The following RPL3L variants were observed in gnomAD, a reference collection of about 807,000 sequenced individuals.
RPL3L encodes ribosomal protein L3 like, also known as ribosomal protein uL3-like.
RPL3L carries 44 observed loss-of-function variants against 44.5 expected under a neutral mutation model. That is an observed-to-expected ratio of 0.99 (90% CI 0.78 to 1.27). RPL3L has a LOEUF of 1.27. Ranked by LOEUF, RPL3L falls within the 50% of genes most tolerant of loss-of-function variation. RPL3L has a pLI of 0.00. For missense variants in RPL3L, 631 were observed against 569.1 expected (o/e 1.11, Z -1.11); for synonymous variants, 292 against 230.7 (o/e 1.27, Z -2.41).
intron 3 of RPL3L, among the ~76,000 whole-genome samples, chr16:1,951,753 T>TATA (rs1555481504): frequency 6.8e-6 from 1 of 147,798 alleles, no homozygotes; most frequent in African/African-American, 2.5e-5. Context: ...TTATTATTAT[T>TATA]ATTATTATTA....
rs750814211 is a variant in RPL3L at position 1,953,026 on chromosome 16, C to G, written c.213G>C (p.Glu71Asp). The change falls in exon 3 of 10, where the codon GAG becomes GAC. Residue 71 changes from glutamate (E) to aspartate (D), a missense_variant. By Grantham distance (45) the Glu-to-Asp change is conservative (BLOSUM62 2). Transcript: ENST00000268661. The part of the protein sequence containing the change: ...HRPGLKISKR[E>D]EVEAVTIVET... ...CTACAATTGTCACCGCCTCCACCTC[C>G]TCCCGTTTGGAAATTTCTGGATGAG... is the stretch of plus-strand genomic sequence containing the variant. 6.3e-7 allele frequency: 1 copy of G among 1,599,472 alleles called. No individual in the cohort carries two copies. The highest frequency in any genetic ancestry group is 2.2e-5 in the East Asian group (1 of 44,742).
At chr16:1,954,578 C>T in intron 1 of RPL3L, 51 bp downstream of exon 1, 1 of 1,527,692 alleles carries the variant, frequency 6.5e-7, no homozygotes, top group Non-Finnish European at 8.8e-7. Flanking sequence ...GTCCCACCCC[C>T]CCAGAGTTCC....
Position 1,946,922 on chromosome 16 carries a change from C to A in RPL3L, c.849+16G>T. On this transcript the variant is annotated intron_variant, in intron 6 of 9. Coordinates refer to ENST00000268661, the MANE Select transcript of RPL3L (RefSeq NM_005061.3). The stretch of plus-strand genomic sequence containing the variant: ...TCCGACCACACAGTGTCCCCGTACC[C>A]CGGCTGAGGACGCACCTTCTTGTTG... 6.3e-7 allele frequency: 1 copy of A among 1,591,272 alleles called. No individual in the cohort carries two copies. The highest frequency in any genetic ancestry group is 1.3e-5 in the African/African-American group (1 of 74,452).
intron 3 of RPL3L, among the ~76,000 whole-genome samples, chr16:1,952,321 T>A (rs1349442605): frequency 6.6e-6 from 1 of 151,834 alleles, no homozygotes; most frequent in Non-Finnish European, 1.5e-5. Context: ...TGTTTCCTCT[T>A]TTTCCTCCAT....
At position 1,953,046 on chromosome 16, in the gene RPL3L, G is replaced by C; in HGVS notation, c.197-4C>G. On this transcript the variant is annotated splice_region_variant and splice_polypyrimidine_tract_variant and intron_variant, in intron 2 of 9. Transcript: ENST00000268661. ...ACCTCCTCCCGTTTGGAAATTTCTGGATGAGACACAGGGATGGGGCATGAA... is the reference window on the plus strand; with the variant it reads ...ACCTCCTCCCGTTTGGAAATTTCTGCATGAGACACAGGGATGGGGCATGAA... 1 of 1,589,308 alleles carries C rather than the reference G, an allele frequency of 6.3e-7. No homozygotes were observed. Among genetic ancestry groups the C allele is most frequent in the Non-Finnish European group, 8.6e-7 (1 of 1,167,698 alleles).
At chr16:1,946,889 G>T in intron 6 of RPL3L, 49 bp downstream of exon 6, 3 of 1,569,838 alleles carry the variant, frequency 1.9e-6, no homozygotes, top group Non-Finnish European at 2.6e-6. Context: ...CAGTACTGAG[G>T]GCTGGGGTCC....
Position 1,954,077 on chromosome 16 carries a change from G to C in RPL3L, c.75C>G (p.His25Gln), listed in dbSNP as rs371136983. Reference sequence around the variant, plus strand: ...GCGGCCACGTCTTCACCTTGCCCCGGTGCCGGTGGCTCCTCTTATGGGGCA... The same window carrying C: ...GCGGCCACGTCTTCACCTTGCCCCGCTGCCGGTGGCTCCTCTTATGGGGCA... ...GFLPHKRSHR[H>Q]RGKVKTWPRD... The change falls in exon 2 of 10, where the codon CAC (histidine) becomes CAG (glutamine). Residue 25 changes from histidine to glutamine, a missense_variant. Transcript: ENST00000268661. 1 of 1,604,796 alleles carries C rather than the reference G, an allele frequency of 6.2e-7. No individual in the cohort carries two copies. Among genetic ancestry groups the C allele is most frequent in the Non-Finnish European group, 8.5e-7 (1 of 1,176,648 alleles).
chr16:1,945,041 C>G, intron 9 of RPL3L, 148 bp from the exon 10 acceptor site: 1 of 1,026,462 alleles, frequency 9.7e-7, no homozygotes, highest in Non-Finnish European at 1.5e-6. Context: ...AGAATCAGTG[C>G]CCAGGGATAG....
At chr16:1,950,707 G>A (rs760853831) in intron 4 of RPL3L, 137 bp downstream of exon 4, 55 of 1,387,942 alleles carry the variant, frequency 4.0e-5, no homozygotes, top group South Asian at 8.7e-5. Flanking sequence ...CGTGGCCAGC[G>A]AGGCTGGTCA....
At chr16:1,951,601 C>G (rs903140233) in intron 3 of RPL3L, among the ~76,000 whole-genome samples, 1 of 151,894 alleles carries the variant, frequency 6.6e-6, no homozygotes, top group African/African-American at 2.4e-5. Context: ...AGGCTGGTCT[C>G]GAAGCCCTGA....
rs1445546058 is a variant in RPL3L, at chr16:1,944,812, T to G, written c.*25A>C. On this transcript the variant is annotated 3_prime_UTR_variant, in exon 10 of 10. Coordinates refer to ENST00000268661, the MANE Select transcript of RPL3L (RefSeq NM_005061.3). ...ATTGGGGCAGACAGTGCGGTGCGCT[T>G]CAGGGTTCATCCACCCCACACAGCC... 1.2e-6 allele frequency: 2 copies of G among 1,613,762 alleles called. No individual in the cohort carries two copies. Among genetic ancestry groups the G allele is most frequent in the Non-Finnish European group, 1.7e-6 (2 of 1,179,892 alleles).
Position 1,947,166 on chromosome 16 carries a change from T to C in RPL3L, c.688+28A>G, listed in dbSNP as rs1353364216. The C allele has an allele frequency of 8.1e-6, 13 of 1,612,966 alleles. No homozygotes were observed. In the East Asian group the frequency reaches 2.7e-4, roughly 33 times the overall value. ...CCCACTGCCTCCAGGCAGCCTGCCC[T>C]GGAGCTGCCATCCTCACTGAGCCCT... On this transcript the variant is annotated intron_variant, in intron 5 of 9. Coordinates refer to ENST00000268661, the MANE Select transcript of RPL3L (RefSeq NM_005061.3).
At position 1,945,508 on chromosome 16, in the gene RPL3L, C is replaced by T. The variant is rs2083114162; in HGVS notation, c.1158G>A (p.Arg386=). 2 of 1,612,198 alleles carry T rather than the reference C, an allele frequency of 1.2e-6. No individual in the cohort carries two copies. Among genetic ancestry groups the T allele is most frequent in the Non-Finnish European group, 1.7e-6 (2 of 1,179,314 alleles). Residue 386 remains arginine (R), a synonymous_variant, in exon 9 of 10, where the codon AGG becomes AGA. Coordinates refer to ENST00000268661, the MANE Select transcript of RPL3L (RefSeq NM_005061.3). ...HGRFQTAQEK[R]AFMGPQKKHL... is the part of the protein sequence containing the mutation. ...GGGGCGGTGAGCTCACCATGAAGGC[C>T]CTCTTCTCTTGGGCTGTCTGGAAGC...
Position 1,953,040 on chromosome 16 carries a change from T to C in RPL3L, c.199A>G (p.Ile67Val). The change falls in exon 3 of 10, where the codon ATT becomes GTT. Residue 67 changes from isoleucine to valine, a missense_variant and splice_region_variant. Ile to Val is a conservative substitution (Grantham distance 29). Transcript: ENST00000268661. ...LREVHRPGLKISKREEVEAVT... is the reference protein window; with the variant it reads ...LREVHRPGLKVSKREEVEAVT... Reference sequence around the variant, plus strand: ...GCCTCCACCTCCTCCCGTTTGGAAATTTCTGGATGAGACACAGGGATGGGG... The same window carrying C: ...GCCTCCACCTCCTCCCGTTTGGAAACTTCTGGATGAGACACAGGGATGGGG... The C allele has an allele frequency of 1.9e-6, 3 of 1,592,516 alleles. No homozygotes were observed. The highest frequency in any genetic ancestry group is 2.6e-6 in the Non-Finnish European group (3 of 1,169,330).
chr16:1,952,674 C>T (rs2083178216), intron 3 of RPL3L, among the ~76,000 whole-genome samples, 200 bp downstream of exon 3: 2 of 152,196 alleles, frequency 1.3e-5, no homozygotes, highest in South Asian at 2.1e-4. Context: ...GCACGCCCAG[C>T]CTACTCATCT....
rs757685943 is a variant in RPL3L, at chr16:1,952,941, G to A, written c.298C>T (p.Arg100Trp). ...VGYVATPRGL[R>W]SFKTIFAEHL... Reference sequence around the variant, plus strand: ...TCTGCAAAGATGGTCTTGAAGCTCCGGAGACCTCGAGGGGTGGCCACGTAG... The same window carrying A: ...TCTGCAAAGATGGTCTTGAAGCTCCAGAGACCTCGAGGGGTGGCCACGTAG... Residue 100 changes from arginine (R) to tryptophan (W), a missense_variant, in exon 3 of 10, where the codon CGG (arginine) becomes TGG (tryptophan). Arg to Trp is a moderately radical substitution (Grantham distance 101). Transcript: ENST00000268661. 3.8e-5 allele frequency: 62 copies of A among 1,613,830 alleles called. No individual in the cohort carries two copies. The highest frequency in any genetic ancestry group is 3.3e-4 in the Middle Eastern group (2 of 6,082).
rs374470658 is a variant in RPL3L at position 1,946,720 on chromosome 16, G to A, written c.856C>T (p.Arg286Cys). 196 of 1,612,312 alleles carry A rather than the reference G, an allele frequency of 1.2e-4. No individual in the cohort carries two copies. The highest frequency in any genetic ancestry group is 1.8e-4 in the East Asian group (8 of 44,900). ...HRTELNKKIF[R>C]IGRGPHMEDG... ...TCCATGTGCGGGCCCCTGCCGATGCGGAAGATCTGCCAGAAGGGGGCACAT... is the reference window on the plus strand; with the variant it reads ...TCCATGTGCGGGCCCCTGCCGATGCAGAAGATCTGCCAGAAGGGGGCACAT... The change falls in exon 7 of 10, where the codon CGC becomes TGC. Residue 286 changes from arginine (R) to cysteine (C), a missense_variant. Physicochemically the swap from Arg to Cys is radical, Grantham distance 180. Coordinates refer to ENST00000268661, the MANE Select transcript of RPL3L (RefSeq NM_005061.3).
chr16:1,946,567 C>T (rs2083121529), intron 7 of RPL3L, 58 bp downstream of exon 7: 3 of 1,560,650 alleles, frequency 1.9e-6, no homozygotes, highest in Non-Finnish European at 1.8e-6. Flanking sequence ...AGCCTGACCC[C>T]ACTCCAGCCA....
rs2083116686 is a variant in RPL3L, at chr16:1,945,834, C to T, written c.1047+1G>A. On this transcript the variant is annotated splice_donor_variant, in intron 8 of 9. Coordinates refer to ENST00000268661, the MANE Select transcript of RPL3L (RefSeq NM_005061.3). LOFTEE classifies it high-confidence loss of function. ...TCCCCAGCCCACCCAGCACTGCCAA[C>T]CTTTCTCAGCGTAATGACCCGCTTC... is the stretch of plus-strand genomic sequence containing the variant. The T allele has an allele frequency of 2.5e-6, 4 of 1,613,890 alleles. No homozygotes were observed. In the East Asian group the frequency reaches 6.7e-5, roughly 27 times the overall value.
Sources: gnomAD v4.1 joint callset for allele counts (sites outside exome capture counted in the v4.1 genomes callset) on GRCh38, gnomAD v4.1.1 for gene constraint, MANE v1.5 for transcripts, NCBI Gene and HGNC (gene_info 2026-07-23, HGNC 2026-07-21) for gene names.